Variants in JKAMP observed in about 807,000 individuals in gnomAD.
JKAMP encodes the protein JNK1/MAPK8 associated membrane protein.
JKAMP carries 20 observed loss-of-function variants against 40.2 expected under a neutral mutation model. That is an observed-to-expected ratio of 0.50 (90% confidence interval 0.35 to 0.72). JKAMP has a LOEUF of 0.72. JKAMP is among the 30% of genes least tolerant of loss of function. The pLI is 0.01. For missense variants in JKAMP, 276 were observed against 373.0 expected (o/e 0.74, Z 2.14); for synonymous variants, 138 against 131.6 (o/e 1.05, Z -0.33).
intron 3 of JKAMP, among the ~76,000 whole-genome samples, chr14:59,489,224 G>A (rs527610398): frequency 1.3e-5 from 2 of 152,234 alleles, no homozygotes; most frequent in South Asian, 2.1e-4. Flanking sequence ...TCATTCCTTT[G>A]CTCCCACATC....
chr14:59,499,691 TAATGTAATTTGGTAATATAGTTTGGG>T (rs571153841), intron 5 of JKAMP, among the ~76,000 whole-genome samples: 5,992 of 152,280 alleles, frequency 0.039, 156 homozygotes, highest in Non-Finnish European at 0.058. Flanking sequence ...TGGAGCTTGG[TAATGTAATTTGGTAATATAGTTTGGG>T]AATGTAATTT....
rs776604972 is a variant in JKAMP, at chr14:59,484,542, C to A, written c.-48C>A. On this transcript the variant is annotated 5_prime_UTR_variant, in exon 1 of 7. Coordinates refer to ENST00000616435, the MANE Select transcript of JKAMP (RefSeq NM_016475.5). ...GTGGCCCGGATGTTCGGTGCAGCTGCCAGATCCGCTGATCTAGTGCTTCTC... is the reference window on the plus strand; with the variant it reads ...GTGGCCCGGATGTTCGGTGCAGCTGACAGATCCGCTGATCTAGTGCTTCTC... 23 of 1,562,328 alleles carry A rather than the reference C, an allele frequency of 1.5e-5. No individual in the cohort carries two copies. In the African/African-American group the frequency reaches 2.2e-4, roughly 15 times the overall value.
rs902654516 is a variant in JKAMP, at chr14:59,496,356, T to C, written c.458+1132T>C. 3.3e-5 allele frequency among the ~76,000 whole-genome samples: 5 copies of C among 151,756 alleles called. No homozygotes were observed. In the East Asian group the frequency reaches 9.7e-4, roughly 29 times the overall value. On this transcript the variant is annotated intron_variant, in intron 4 of 6. Transcript: ENST00000616435. Reference sequence around the variant, plus strand: ...GCTTAACTCTAAGCATTAATTACCCTCTTGTCATATAACTCTCCTAAGGCC... The same window carrying C: ...GCTTAACTCTAAGCATTAATTACCCCCTTGTCATATAACTCTCCTAAGGCC...
At position 59,486,813 on chromosome 14, in the gene JKAMP, T is replaced by TAA. The variant is rs1890615497; in HGVS notation, c.96+10_96+11insAA. ...TATATGGAGAATGTGGGGTAAGTCT[T>TAA]ATGTTTGTATCTTATTTCATTTTGT... On this transcript the variant is annotated intron_variant, in intron 2 of 6. Transcript: ENST00000616435. 6.9e-7 allele frequency: 1 copy of TAA among 1,459,238 alleles called. No homozygotes were observed. The highest frequency in any genetic ancestry group is 2.0e-5 in the Admixed American group (1 of 50,890). The allele number at this position is 1,459,238 out of a possible 1,614,324, so 90.4% of individuals were successfully genotyped here. A position where few individuals can be genotyped will look rare whatever the true frequency, so the allele number is the denominator to read the frequency against.
chr14:59,490,021 C>G (rs1890871076), intron 3 of JKAMP, among the ~76,000 whole-genome samples: 2 of 152,080 alleles, frequency 1.3e-5, no homozygotes, highest in Non-Finnish European at 2.9e-5. Context: ...TTCCTAGGCT[C>G]AAGTGATCTT....
At chr14:59,484,636 C>T in intron 1 of JKAMP, 43 bp downstream of exon 1, 1 of 1,570,062 alleles carries the variant, frequency 6.4e-7, no homozygotes, top group South Asian at 1.2e-5. Context: ...CTGGTAGTCC[C>T]GACTACTTTC....
intron 6 of JKAMP, 25 bp from the exon 7 acceptor site, chr14:59,503,829 T>C: frequency 6.8e-7 from 1 of 1,480,780 alleles, no homozygotes; most frequent in African/African-American, 1.4e-5. Flanking sequence ...TATTTCTCTT[T>C]TCTTTCTTTT....
At chr14:59,488,907 G>A (rs1046888953) in intron 3 of JKAMP, among the ~76,000 whole-genome samples, 7 of 152,234 alleles carry the variant, frequency 4.6e-5, no homozygotes, top group Non-Finnish European at 8.8e-5. Flanking sequence ...AACAAAGAGT[G>A]CCCAATTAAA....
rs773212666 is a variant in JKAMP, at chr14:59,484,588, C to T, written c.-2C>T. 65 of 1,577,792 alleles carry T rather than the reference C, an allele frequency of 4.1e-5. No homozygotes were observed. Among genetic ancestry groups the T allele is most frequent in the Non-Finnish European group, 5.2e-5 (60 of 1,162,126 alleles). On this transcript the variant is annotated 5_prime_UTR_variant, in exon 1 of 7. Coordinates refer to ENST00000616435, the MANE Select transcript of JKAMP (RefSeq NM_016475.5). ...TTCTCGAAAAAAACCTTCAGGCGGC[C>T]CATGGGTGAGTGGTCGCCAAGATCC... is the stretch of plus-strand genomic sequence containing the variant.
intron 3 of JKAMP, among the ~76,000 whole-genome samples, chr14:59,493,445 C>T (rs1046527341): frequency 6.6e-6 from 1 of 152,108 alleles, no homozygotes; most frequent in Non-Finnish European, 1.5e-5. Context: ...CAGTTGAGCC[C>T]AGTCACATCA....
chr14:59,485,054 A>G, intron 1 of JKAMP: 3 of 1,598,408 alleles, frequency 1.9e-6, no homozygotes, highest in Non-Finnish European at 1.7e-6. Context: ...AACTTTAGCC[A>G]TCGTTCGCTA....
rs1207953111 is a variant in JKAMP, at chr14:59,505,329, A to AAAT, written c.*1260_*1262dup. On this transcript the variant is annotated 3_prime_UTR_variant, in exon 7 of 7. Coordinates refer to ENST00000616435, the MANE Select transcript of JKAMP (RefSeq NM_016475.5). ...GTTTCTTCTTCTCTGTAGGAATAAA[A>AAAT]AATAAATATAAAAATTTTATTTGTA... 3.6e-6 allele frequency: 5 copies of AAAT among 1,394,428 alleles called. No individual in the cohort carries two copies. Among genetic ancestry groups the AAAT allele is most frequent in the Non-Finnish European group, 4.8e-6 (5 of 1,042,434 alleles). 86.4% of individuals were successfully genotyped at this position (1,394,428 alleles called of 1,614,324 possible). A position where few individuals can be genotyped will look rare whatever the true frequency, so the allele number is the denominator to read the frequency against.
rs372496906 is a variant in JKAMP at position 59,495,268 on chromosome 14, C to T, written c.458+44C>T. 9.7e-5 allele frequency: 136 copies of T among 1,398,706 alleles called. No homozygotes were observed. In the African/African-American group the frequency reaches 1.7e-3, roughly 17 times the overall value. The allele number at this position is 1,398,706 out of a possible 1,614,324, so 86.6% of individuals were successfully genotyped here. On this transcript the variant is annotated intron_variant, in intron 4 of 6. Coordinates refer to ENST00000616435, the MANE Select transcript of JKAMP (RefSeq NM_016475.5). ...TTAAGATCATTGTTTTTTTTTAAAT[C>T]TCTGAGGATTATTATAGATTTTATG...
intron 3 of JKAMP, among the ~76,000 whole-genome samples, chr14:59,489,865 A>G (rs1332321686): frequency 7.5e-6 from 1 of 133,896 alleles, no homozygotes; most frequent in African/African-American, 3.2e-5. Context: ...ACATGGTGAT[A>G]GGGGGAGGAG....
intron 5 of JKAMP, among the ~76,000 whole-genome samples, chr14:59,499,734 A>G (rs530704496): frequency 6.6e-6 from 1 of 152,320 alleles, no homozygotes; most frequent in East Asian, 1.9e-4. Context: ...ATTTGGTTCA[A>G]GGTGATGGTG....
intron 6 of JKAMP, among the ~76,000 whole-genome samples, chr14:59,502,403 A>T (rs948232367): frequency 2.0e-5 from 3 of 152,200 alleles, no homozygotes; most frequent in Admixed American, 1.3e-4. Flanking sequence ...TTCCTAACAG[A>T]GAAAACTCAA....
At chr14:59,497,655 G>T (rs970199701) in intron 4 of JKAMP, among the ~76,000 whole-genome samples, 1 of 152,116 alleles carries the variant, frequency 6.6e-6, no homozygotes, top group Non-Finnish European at 1.5e-5. Context: ...AGCTCTTAAG[G>T]AACTACAAGT....
rs1468436238 is a variant in JKAMP, at chr14:59,486,761, T to A, written c.53T>A (p.Leu18Gln). ...CTTGGACTTTATTGTGGGAAGACCC[T>A]ATTATTTAAAAATGGCTCAACTGAA... ...ACLGLYCGKT[L>Q]LFKNGSTEIY... Residue 18 changes from leucine to glutamine, a missense_variant, in exon 2 of 7, where the codon CTA (leucine) becomes CAA (glutamine). Physicochemically the swap from Leu to Gln is moderately radical, Grantham distance 113. Transcript: ENST00000616435. 6.3e-7 allele frequency: 1 copy of A among 1,595,924 alleles called. No homozygotes were observed.
At chr14:59,499,264 G>T (rs1891692982) in intron 5 of JKAMP, among the ~76,000 whole-genome samples, 1 of 151,512 alleles carries the variant, frequency 6.6e-6, no homozygotes, top group Admixed American at 6.6e-5. Context: ...CTGACCTCAT[G>T]ATCTGCCCAC....
Sources: gnomAD v4.1 joint callset for allele counts (sites outside exome capture counted in the v4.1 genomes callset) on GRCh38, gnomAD v4.1.1 for gene constraint, MANE v1.5 for transcripts, NCBI Gene and HGNC (gene_info 2026-07-23, HGNC 2026-07-21) for gene names.